EIF4E1B: variants seen among roughly 807,000 people sequenced by gnomAD.
The protein encoded by EIF4E1B is eukaryotic translation initiation factor 4E family member 1B.
In EIF4E1B, 22 loss-of-function variants were observed where a neutral mutation model predicts 31.3. The ratio of observed to expected loss-of-function variants is 0.70; its 90% CI spans 0.50 to 1.00. The LOEUF (loss-of-function observed/expected upper bound fraction) is 1.00, where lower values mean the gene tolerates loss of function less well. Among genes scored for constraint, EIF4E1B ranks in the 50% least tolerant of loss-of-function variants. The pLI is 0.00. For synonymous variants in EIF4E1B, 126 were observed against 120.2 expected (o/e 1.05, Z -0.31); for missense variants, 290 against 311.6 (o/e 0.93, Z 0.52).
Position 176,645,394 on chromosome 5 carries a change from G to A in EIF4E1B, c.492G>A (p.Gly164=). 6.5e-7 allele frequency: 1 copy of A among 1,529,514 alleles called. No individual in the cohort carries two copies. Among genetic ancestry groups the A allele is most frequent in the African/African-American group, 1.4e-5 (1 of 72,454 alleles). 94.7% of individuals were successfully genotyped at this position (1,529,514 alleles called of 1,614,324 possible). ...GGGTCCAGCTGCTGTGTCTGATCGG[G>A]GAGAGCTTTGAGGAACACAGCAGAG... is the stretch of plus-strand genomic sequence containing the variant. The part of the protein sequence containing the change: ...LWLETLLCLI[G]ESFEEHSREV... Residue 164 remains glycine (G), a synonymous_variant, in exon 8 of 9, where the codon GGG becomes GGA. Transcript: ENST00000318682. The surrounding 1 kb of genome is among the most constrained non-coding windows in gnomAD (Gnocchi z 5.4).
At chr5:176,642,621 GTCCACCTCACATTCTGGGGTCACCC>G (rs1760597648) in intron 2 of EIF4E1B, 64 bp from the exon 3 acceptor site, 1 of 1,140,504 alleles carries the variant, frequency 8.8e-7, no homozygotes, top group African/African-American at 1.6e-5. Context: ...CGGCAGGGCC[GTCCACCTCACATTCTGGGGTCACCC>G]TCCACGGGAT....
chr5:176,638,124 T>C lies in EIF4E1B; in HGVS notation c.-201-3919T>C, dbSNP rs1171428141. 6.6e-6 allele frequency among the ~76,000 whole-genome samples: 1 copy of C among 152,162 alleles called. No homozygotes were observed. The highest frequency in any genetic ancestry group is 2.4e-5 in the African/African-American group (1 of 41,428). On this transcript the variant is annotated intron_variant, in intron 1 of 8. Transcript: ENST00000318682. This position sits in a 1 kb window ranked among gnomAD's most constrained non-coding sequence, Gnocchi z 4.3. ...AGCGGGGCAGAGGAGGTGTCAGGAA[T>C]TCATCTTTGGACATGGTAGCTCTGA...
At chr5:176,643,313 A>G (rs1760627133) in intron 4 of EIF4E1B, 47 bp downstream of exon 4, 1 of 1,587,182 alleles carries the variant, frequency 6.3e-7, no homozygotes, top group Non-Finnish European at 8.6e-7. Context: ...CTTTCAGGCC[A>G]GCCTCTGTGC....
Position 176,638,040 on chromosome 5 carries a change from C to T in EIF4E1B, c.-201-4003C>T, listed in dbSNP as rs1238699187. 6.6e-6 allele frequency among the ~76,000 whole-genome samples: 1 copy of T among 152,106 alleles called. No homozygotes were observed. The highest frequency in any genetic ancestry group is 1.5e-5 in the Non-Finnish European group (1 of 68,024). ...GAAGGACAGAGCCCCAGGACCATTCCAGCGTTTTCGGCTGAGCAGTTGGAA... is the reference window on the plus strand; with the variant it reads ...GAAGGACAGAGCCCCAGGACCATTCTAGCGTTTTCGGCTGAGCAGTTGGAA... On this transcript the variant is annotated intron_variant, in intron 1 of 8. Coordinates refer to ENST00000318682, the MANE Select transcript of EIF4E1B (RefSeq NM_001099408.2). This position sits in a 1 kb window ranked among gnomAD's most constrained non-coding sequence, Gnocchi z 4.3.
In EIF4E1B at chr5:176,642,124, A is replaced by G. The variant is rs7718155; in HGVS notation, c.-120A>G. 148,349 of 152,818 alleles carry G rather than the reference A, an allele frequency of 0.97. 72,168 individuals are homozygous for G. The highest frequency in any genetic ancestry group is 1 in the East Asian group (5,190 of 5,190). 9.5% of individuals were successfully genotyped at this position (152,818 alleles called of 1,614,324 possible). A position where few individuals can be genotyped will look rare whatever the true frequency, so the allele number is the denominator to read the frequency against. On this transcript the variant is annotated 5_prime_UTR_variant, in exon 2 of 9. Coordinates refer to ENST00000318682, the MANE Select transcript of EIF4E1B (RefSeq NM_001099408.2). Reference sequence around the variant, plus strand: ...ACTAGAACCCAGGCTGTGTGGCTGCAGCCCTGACCCTCACCATCCAGGTCA... The same window carrying G: ...ACTAGAACCCAGGCTGTGTGGCTGCGGCCCTGACCCTCACCATCCAGGTCA...
At chr5:176,644,489 C>G (rs990512797) in intron 6 of EIF4E1B, 50 bp downstream of exon 6, 1 of 1,546,406 alleles carries the variant, frequency 6.5e-7, no homozygotes, top group African/African-American at 1.4e-5. Context: ...AGGGGTTGAT[C>G]CCTCCCGGAC....
chr5:176,642,849 TCTC>T (rs1760604526), intron 3 of EIF4E1B, 47 bp downstream of exon 3: 5 of 1,181,902 alleles, frequency 4.2e-6, no homozygotes, highest in South Asian at 1.7e-5. Flanking sequence ...GGCCCCGCCC[TCTC>T]CCCCCCCCCC....
At position 176,638,406 on chromosome 5, in the gene EIF4E1B, A is replaced by G. The variant is rs987976999; in HGVS notation, c.-201-3637A>G. 6.6e-6 allele frequency among the ~76,000 whole-genome samples: 1 copy of G among 152,240 alleles called. No homozygotes were observed. Among genetic ancestry groups the G allele is most frequent in the Admixed American group, 6.5e-5 (1 of 15,284 alleles). On this transcript the variant is annotated intron_variant, in intron 1 of 8. Transcript: ENST00000318682. This position sits in a 1 kb window ranked among gnomAD's most constrained non-coding sequence, Gnocchi z 4.3. ...CCCAGAGCCTAAAATGGTGTCCGGCACAAAGTAATTGGTAGGTCATTATTT... is the reference window on the plus strand; with the variant it reads ...CCCAGAGCCTAAAATGGTGTCCGGCGCAAAGTAATTGGTAGGTCATTATTT...
chr5:176,631,758 T>C (rs1194104367), intron 1 of EIF4E1B, among the ~76,000 whole-genome samples: 3 of 152,078 alleles, frequency 2.0e-5, no homozygotes, highest in Admixed American at 2.0e-4. Flanking sequence ...TCTGGCAATG[T>C]TTACCAAGCA....
intron 1 of EIF4E1B, among the ~76,000 whole-genome samples, chr5:176,640,763 T>C (rs929982725): frequency 1.3e-5 from 2 of 152,230 alleles, no homozygotes; most frequent in African/African-American, 2.4e-5. Context: ...AGGATCAGGC[T>C]TACCCATTTC....
intron 6 of EIF4E1B, chr5:176,644,722 A>C: frequency 1.9e-6 from 1 of 514,394 alleles, no homozygotes. Flanking sequence ...GCTTGAGGAC[A>C]CTCATTGATG....
intron 5 of EIF4E1B, chr5:176,644,132 G>A (rs898012367): frequency 3.1e-5 from 18 of 576,620 alleles, no homozygotes; most frequent in Admixed American, 1.3e-4. Flanking sequence ...GTAGCTGGAG[G>A]GGGGAGCACC....
rs535606524 is a variant in EIF4E1B, at chr5:176,643,887, C to T, written c.296+153C>T. 37 of 715,402 alleles carry T rather than the reference C, an allele frequency of 5.2e-5. No individual in the cohort carries two copies. The Admixed American group carries it at 5.9e-4, about 11-fold the overall frequency. 44.3% of individuals were successfully genotyped at this position (715,402 alleles called of 1,614,324 possible). On this transcript the variant is annotated intron_variant, in intron 5 of 8. Coordinates refer to ENST00000318682, the MANE Select transcript of EIF4E1B (RefSeq NM_001099408.2). Reference sequence around the variant, plus strand: ...CCCAGGGGGTATAGGGCACAACCACCCCCCACCCCACCACCTTCTTTGGGC... The same window carrying T: ...CCCAGGGGGTATAGGGCACAACCACTCCCCACCCCACCACCTTCTTTGGGC...
chr5:176,646,168 A>T lies in EIF4E1B; in HGVS notation c.*188A>T. On this transcript the variant is annotated 3_prime_UTR_variant, in exon 9 of 9. Coordinates refer to ENST00000318682, the MANE Select transcript of EIF4E1B (RefSeq NM_001099408.2). ...GGGGCTAGATGGGGGTAGTGGTGGC[A>T]GTCTGAGGACCTAGCTTGTCCTGGG... 1.8e-6 allele frequency: 1 copy of T among 561,238 alleles called. No homozygotes were observed. The highest frequency in any genetic ancestry group is 3.1e-5 in the Admixed American group (1 of 32,734). 34.8% of individuals were successfully genotyped at this position (561,238 alleles called of 1,614,324 possible). A position where few individuals can be genotyped will look rare whatever the true frequency, so the allele number is the denominator to read the frequency against.
intron 1 of EIF4E1B, among the ~76,000 whole-genome samples, chr5:176,636,998 G>A (rs923719660): frequency 1.3e-5 from 2 of 152,342 alleles, no homozygotes; most frequent in Admixed American, 1.3e-4. Context: ...CACAAAAGAC[G>A]CTTCCACTGT....
chr5:176,645,016 G>A lies in EIF4E1B; in HGVS notation c.361-114G>A, dbSNP rs1162225043. On this transcript the variant is annotated intron_variant, in intron 6 of 8. Transcript: ENST00000318682. This position sits in a 1 kb window ranked among gnomAD's most constrained non-coding sequence, Gnocchi z 5.4. ...CTTGCACTGAGGGAAGGGAGGATAA[G>A]AGAATCTGGCCTACTTAGGGCCTCA... 1 of 904,512 alleles carries A rather than the reference G, an allele frequency of 1.1e-6. No homozygotes were observed. Among genetic ancestry groups the A allele is most frequent in the South Asian group, 1.7e-5 (1 of 59,078 alleles). The allele number at this position is 904,512 out of a possible 1,614,324, so 56.0% of individuals were successfully genotyped here.
chr5:176,644,653 A>AAGAGGG (rs1291643291), intron 6 of EIF4E1B: 23 of 557,954 alleles, frequency 4.1e-5, no homozygotes, highest in East Asian at 6.2e-5. Context: ...AAGAGGCGGG[A>AAGAGGG]AGAGGGAGAG....
At chr5:176,635,085 C>T (rs148329026) in intron 1 of EIF4E1B, among the ~76,000 whole-genome samples, 56 of 151,970 alleles carry the variant, frequency 3.7e-4, no homozygotes, top group Admixed American at 6.6e-4. Context: ...TGTGATCGTC[C>T]GGGGGTGCAC....
Position 176,641,120 on chromosome 5 carries a change from A to G in EIF4E1B, c.-201-923A>G, listed in dbSNP as rs539304468. On this transcript the variant is annotated intron_variant, in intron 1 of 8. Transcript: ENST00000318682. ...GATTGCTTGAGTCTAGACATTCAAGACCAGCCTGGGCAACATGGCAAAACC... is the reference window on the plus strand; with the variant it reads ...GATTGCTTGAGTCTAGACATTCAAGGCCAGCCTGGGCAACATGGCAAAACC... 3.1e-4 allele frequency among the ~76,000 whole-genome samples: 47 copies of G among 152,236 alleles called. No individual in the cohort carries two copies. The South Asian group carries it at 9.7e-3, about 32-fold the overall frequency.
Sources: gnomAD v4.1 joint callset for allele counts (sites outside exome capture counted in the v4.1 genomes callset) on GRCh38, gnomAD v4.1.1 for gene constraint, Gnocchi (gnomAD v3.1) non-coding constraint, MANE v1.5 for transcripts, NCBI Gene and HGNC (gene_info 2026-07-23, HGNC 2026-07-21) for gene names.